Variants in SLC27A6 observed in about 807,000 individuals in gnomAD.
SLC27A6 encodes the protein long-chain fatty acid transport protein 6.
In SLC27A6, 74 loss-of-function variants were observed where a neutral mutation model predicts 63.9. That is an observed-to-expected ratio of 1.16 (90% CI 0.96 to 1.40). The LOEUF (loss-of-function observed/expected upper bound fraction) is 1.40. Among genes scored for constraint, SLC27A6 ranks in the 40% most tolerant of loss-of-function variants. The pLI, the probability that SLC27A6 is intolerant of heterozygous loss-of-function variation, is 0.00. For synonymous variants in SLC27A6, 287 were observed against 260.8 expected (o/e 1.10, Z -0.97); for missense variants, 794 against 732.9 (o/e 1.08, Z -0.96).
chr5:128,999,180 A>G (rs748020258), intron 4 of SLC27A6, among the ~76,000 whole-genome samples: 7 of 152,172 alleles, frequency 4.6e-5, no homozygotes, highest in Non-Finnish European at 1.0e-4. Flanking sequence ...CAGGTTGACT[A>G]GAACACGGGG....
rs138346310 is a variant in SLC27A6, at chr5:129,025,445, GAT to G, written c.1256-1672_1256-1671del. On this transcript the variant is annotated intron_variant, in intron 6 of 9. Transcript: ENST00000262462. ...AAGGCTTTGGAGTCAGATGTACCTGGATATATATATATATATACTCCGACTCC... is the reference window on the plus strand; with the variant it reads ...AAGGCTTTGGAGTCAGATGTACCTGGATATATATATATATACTCCGACTCC... 2.7e-4 allele frequency among the ~76,000 whole-genome samples: 40 copies of G among 148,206 alleles called. 1 individual carries two copies. The highest frequency in any genetic ancestry group is 6.6e-4 in the African/African-American group (27 of 40,678).
chr5:129,025,452 A>G (rs1415901600), intron 6 of SLC27A6, among the ~76,000 whole-genome samples: 6 of 152,036 alleles, frequency 3.9e-5, no homozygotes, highest in Non-Finnish European at 7.4e-5. Context: ...CTGGATATAT[A>G]TATATATATA....
intron 5 of SLC27A6, among the ~76,000 whole-genome samples, chr5:129,020,966 C>T (rs372942935): frequency 1.5e-4 from 22 of 151,694 alleles, no homozygotes; most frequent in African/African-American, 3.9e-4. Context: ...TATAATAATA[C>T]GCACGAACTG....
At chr5:129,023,961 T>C (rs1752158750) in intron 6 of SLC27A6, among the ~76,000 whole-genome samples, 1 of 152,048 alleles carries the variant, frequency 6.6e-6, no homozygotes, top group Non-Finnish European at 1.5e-5. Context: ...CGTATGGTAT[T>C]TTTTATTTAT....
intron 1 of SLC27A6, among the ~76,000 whole-genome samples, chr5:128,983,647 A>G (rs1015242297): frequency 6.6e-6 from 1 of 151,892 alleles, no homozygotes; most frequent in Non-Finnish European, 1.5e-5. Flanking sequence ...TTTGCCATTT[A>G]TTTCTTTTAT....
At chr5:128,970,297 T>C (rs1276590102) in intron 1 of SLC27A6, among the ~76,000 whole-genome samples, 1 of 152,226 alleles carries the variant, frequency 6.6e-6, no homozygotes, top group Non-Finnish European at 1.5e-5. Flanking sequence ...GAGGATTCCC[T>C]CTTTTTCTAT....
intron 4 of SLC27A6, among the ~76,000 whole-genome samples, chr5:129,004,405 C>T (rs1181487106): frequency 1.3e-5 from 2 of 152,138 alleles, no homozygotes; most frequent in Admixed American, 1.3e-4. Flanking sequence ...CTTTCTTTCT[C>T]TCTGAGTCTC....
At chr5:129,018,462 T>C (rs558178669) in intron 5 of SLC27A6, among the ~76,000 whole-genome samples, 2 of 152,180 alleles carry the variant, frequency 1.3e-5, no homozygotes, top group African/African-American at 4.8e-5. Flanking sequence ...CAAAAGAAGG[T>C]GCAAACTATT....
chr5:128,976,592 A>G (rs954749158), intron 1 of SLC27A6, among the ~76,000 whole-genome samples: 1 of 152,214 alleles, frequency 6.6e-6, no homozygotes, highest in Non-Finnish European at 1.5e-5. Flanking sequence ...TTAGTCTTTA[A>G]AAAACAATTG....
Position 128,998,856 on chromosome 5 carries a change from A to C in SLC27A6, c.969+8392A>C, listed in dbSNP as rs563732630. 3.9e-5 allele frequency among the ~76,000 whole-genome samples: 6 copies of C among 152,360 alleles called. No homozygotes were observed. In the East Asian group the frequency reaches 9.6e-4, roughly 24 times the overall value. ...CTTATCAGGAAATACAAGAATATTC[A>C]ACAAATGATAAACTATTAGAATTCT... On this transcript the variant is annotated intron_variant, in intron 4 of 9. Transcript: ENST00000262462.
At chr5:129,022,139 A>T (rs1561631812) in intron 5 of SLC27A6, among the ~76,000 whole-genome samples, 1 of 152,242 alleles carries the variant, frequency 6.6e-6, no homozygotes. Context: ...TTACAGACAA[A>T]GACCAACAAG....
chr5:128,993,384 A>G (rs1751043074), intron 4 of SLC27A6, among the ~76,000 whole-genome samples: 1 of 152,190 alleles, frequency 6.6e-6, no homozygotes, highest in Non-Finnish European at 1.5e-5. Context: ...TGTTTGAACA[A>G]AGGATGCCTC....
intron 4 of SLC27A6, among the ~76,000 whole-genome samples, chr5:129,007,701 T>A (rs1027491439): frequency 6.6e-6 from 1 of 152,090 alleles, no homozygotes; most frequent in Non-Finnish European, 1.5e-5. Context: ...CAATAAGATA[T>A]AAATTTTTAG....
In SLC27A6 at chr5:129,023,716, A is replaced by T. The variant is rs1385101287; in HGVS notation, c.1255+6A>T. 1.9e-6 allele frequency: 3 copies of T among 1,591,464 alleles called. No individual in the cohort carries two copies. In the South Asian group the frequency reaches 3.4e-5, roughly 18 times the overall value. On this transcript the variant is annotated splice_donor_region_variant and intron_variant, in intron 6 of 9. Coordinates refer to ENST00000262462, the MANE Select transcript of SLC27A6 (RefSeq NM_001017372.3). The stretch of plus-strand genomic sequence containing the variant: ...GTGTATTCATGTGAAAAAAGGTAAG[A>T]CTTCTATTTGAAGACATCTCCTCAA...
intron 1 of SLC27A6, among the ~76,000 whole-genome samples, chr5:128,970,426 C>A (rs1053972986): frequency 1.3e-5 from 2 of 152,192 alleles, no homozygotes; most frequent in African/African-American, 2.4e-5. Context: ...ATTATTGCCT[C>A]AATTTCAGAG....
intron 4 of SLC27A6, among the ~76,000 whole-genome samples, chr5:129,007,905 C>T (rs763724937): frequency 1.3e-5 from 2 of 151,870 alleles, no homozygotes; most frequent in African/African-American, 2.4e-5. Flanking sequence ...ATATGATAAT[C>T]AAAAGCATGG....
chr5:128,970,838 A>T, intron 1 of SLC27A6, among the ~76,000 whole-genome samples: 1 of 148,968 alleles, frequency 6.7e-6, no homozygotes, highest in Admixed American at 6.7e-5. Flanking sequence ...TAGTTCTTTT[A>T]ATTGTGATGT....
intron 4 of SLC27A6, among the ~76,000 whole-genome samples, chr5:128,997,908 C>G (rs900326650): frequency 6.6e-6 from 1 of 152,012 alleles, no homozygotes; most frequent in African/African-American, 2.4e-5. Context: ...CTAATTGGCC[C>G]TTGATTCTCA....
chr5:129,023,919 A>G (rs31272), intron 6 of SLC27A6, among the ~76,000 whole-genome samples: 114,766 of 151,962 alleles, frequency 0.76, 43,605 homozygotes, highest in East Asian at 0.97. Flanking sequence ...CTTATAATAC[A>G]TAATACAATG....
Sources: allele counts gnomAD v4.1 joint callset (sites outside exome capture counted in the v4.1 genomes callset), GRCh38; gene constraint gnomAD v4.1.1; transcripts MANE v1.5; gene names NCBI Gene and HGNC (gene_info 2026-07-23, HGNC 2026-07-21).